The following GARNL3 variants were observed in gnomAD, a reference collection of about 807,000 sequenced individuals.
GARNL3 encodes GTPase activating Rap/RanGAP domain like 3.
In GARNL3, 63 loss-of-function variants were observed where a neutral mutation model predicts 125.0. That is an observed-to-expected ratio of 0.50 (90% CI 0.41 to 0.62). The LOEUF (loss-of-function observed/expected upper bound fraction) is 0.62, where lower values mean the gene tolerates loss of function less well. GARNL3 is among the 20% of genes least tolerant of loss of function. The pLI is 0.00. For missense variants in GARNL3, 994 were observed against 1,244.0 expected (o/e 0.80, Z 3.02); for synonymous variants, 439 against 457.5 (o/e 0.96, Z 0.52).
In GARNL3 at chr9:127,384,900, G is replaced by A; in HGVS notation, c.2270-127G>A. 1 of 564,258 alleles carries A rather than the reference G, an allele frequency of 1.8e-6. No homozygotes were observed. The highest frequency in any genetic ancestry group is 3.0e-5 in the East Asian group (1 of 33,190). The allele number at this position is 564,258 out of a possible 1,614,324, so 35.0% of individuals were successfully genotyped here. A position where few individuals can be genotyped will look rare whatever the true frequency, so the allele number is the denominator to read the frequency against. ...GGGTGACTTGCACATGTGAAGGAAGGAGAGAAGCAGCCAGAGGAATGAGAG... is the reference window on the plus strand; with the variant it reads ...GGGTGACTTGCACATGTGAAGGAAGAAGAGAAGCAGCCAGAGGAATGAGAG... On this transcript the variant is annotated intron_variant, in intron 23 of 27. Transcript: ENST00000373387. This position sits in a 1 kb window ranked among gnomAD's most constrained non-coding sequence, Gnocchi z 4.0.
chr9:127,306,649 C>T (rs557541270), intron 2 of GARNL3, among the ~76,000 whole-genome samples: 6 of 152,030 alleles, frequency 3.9e-5, no homozygotes, highest in African/African-American at 1.4e-4. Context: ...ATGGCGTGAA[C>T]CCGGGAGGTG....
chr9:127,371,819 A>G (rs536418355), intron 22 of GARNL3, among the ~76,000 whole-genome samples: 12 of 152,276 alleles, frequency 7.9e-5, no homozygotes, highest in Admixed American at 1.3e-4. Flanking sequence ...GAATCCAGAA[A>G]TAGATTTACA....
At chr9:127,368,605 A>C (rs1229054696) in intron 22 of GARNL3, among the ~76,000 whole-genome samples, 4 of 147,186 alleles carry the variant, frequency 2.7e-5, no homozygotes, top group East Asian at 2.3e-4. Flanking sequence ...TGCTGGGATT[A>C]CAGGCGTGAA....
intron 17 of GARNL3, 80 bp downstream of exon 17, chr9:127,349,115 C>A: frequency 1.1e-6 from 1 of 920,964 alleles, no homozygotes; most frequent in South Asian, 1.4e-5. Flanking sequence ...CCAACCAACT[C>A]CCTTTGGGCC....
intron 1 of GARNL3, among the ~76,000 whole-genome samples, chr9:127,241,245 T>A (rs1330556774): frequency 6.6e-6 from 1 of 152,134 alleles, no homozygotes; most frequent in African/African-American, 2.4e-5. Flanking sequence ...GCTTAATAAA[T>A]CTTTTGCATA....
intron 1 of GARNL3, among the ~76,000 whole-genome samples, chr9:127,274,697 A>G (rs2063908758): frequency 1.3e-5 from 2 of 152,206 alleles, no homozygotes; most frequent in Admixed American, 1.3e-4. Flanking sequence ...TCTTCAACTG[A>G]TGGGATATGG....
chr9:127,256,004 T>G (rs1564852738), intron 2 of GARNL3, among the ~76,000 whole-genome samples: 1 of 152,226 alleles, frequency 6.6e-6, no homozygotes. Flanking sequence ...AGATAGACTT[T>G]CAAGGGATTT....
At chr9:127,302,603 A>G (rs1384882809) in intron 2 of GARNL3, among the ~76,000 whole-genome samples, 1 of 152,228 alleles carries the variant, frequency 6.6e-6, no homozygotes, top group Non-Finnish European at 1.5e-5. Context: ...AAAAATGGGA[A>G]ATATGCTCGT....
chr9:127,373,264 C>T (rs1831705461), intron 22 of GARNL3, among the ~76,000 whole-genome samples: 1 of 152,214 alleles, frequency 6.6e-6, no homozygotes, highest in Admixed American at 6.5e-5. Flanking sequence ...ATTGCTATTG[C>T]TGTAGCGTAC....
Position 127,328,082 on chromosome 9 carries a change from A to G in GARNL3, c.594+2987A>G, listed in dbSNP as rs75562497. Among the ~76,000 whole-genome samples the G allele has an allele frequency of 5.4e-3, 828 of 152,256 alleles. 24 individuals carry two copies. The East Asian group carries it at 0.083, about 15-fold the overall frequency. ...GTGAACACTTACTTCCCCTGCCCCG[A>G]CTTCACCACTTTTTCAGGGGCTGGA... On this transcript the variant is annotated intron_variant, in intron 7 of 27. Coordinates refer to ENST00000373387, the MANE Select transcript of GARNL3 (RefSeq NM_032293.5).
At chr9:127,345,331 C>A in intron 15 of GARNL3, 72 bp from the exon 16 acceptor site, 1 of 903,678 alleles carries the variant, frequency 1.1e-6, no homozygotes, top group South Asian at 1.9e-5. Flanking sequence ...AAATTTTTGT[C>A]AAATCACAAT....
intron 25 of GARNL3, 87 bp from the exon 26 acceptor site, chr9:127,388,817 C>T (rs1041002592): frequency 1.2e-5 from 10 of 828,004 alleles, no homozygotes; most frequent in African/African-American, 1.7e-5. Context: ...TTCCTTCATG[C>T]TATGTTAAGG....
chr9:127,308,782 C>T (rs570228537), intron 2 of GARNL3, among the ~76,000 whole-genome samples: 1 of 152,156 alleles, frequency 6.6e-6, no homozygotes, highest in African/African-American at 2.4e-5. Context: ...AGAACATAGC[C>T]CTACTCTTGC....
chr9:127,261,496 T>C (rs1168467141), upstream of GARNL3, among the ~76,000 whole-genome samples: 1 of 148,058 alleles, frequency 6.8e-6, no homozygotes, highest in Non-Finnish European at 1.5e-5. Flanking sequence ...CCGCAACCTC[T>C]GCCTCCCAGG....
At chr9:127,332,876 A>C in intron 8 of GARNL3, 147 bp from the exon 9 acceptor site, 1 of 642,354 alleles carries the variant, frequency 1.6e-6, no homozygotes, top group South Asian at 1.9e-5. Flanking sequence ...CATGGTGCTC[A>C]AGAAGAAGGA....
chr9:127,264,533 G>A, upstream of GARNL3: 29 of 1,012,480 alleles, frequency 2.9e-5, no homozygotes, highest in Non-Finnish European at 3.4e-5. Flanking sequence ...TGCATATTTG[G>A]GACAAAGAGC....
At chr9:127,232,870 T>C (rs2063044417) in intron 1 of GARNL3, among the ~76,000 whole-genome samples, 1 of 152,186 alleles carries the variant, frequency 6.6e-6, no homozygotes, top group African/African-American at 2.4e-5. Context: ...ACTCCAGACT[T>C]AATTTCAATG....
rs2063666838 is a variant in GARNL3, at chr9:127,264,810, C to G, written c.-68C>G. On this transcript the variant is annotated 5_prime_UTR_variant, in exon 1 of 28. Transcript: ENST00000373387. The stretch of plus-strand genomic sequence containing the variant: ...TGGCTGCTGGGGACTGTGTCTGTTG[C>G]AAGGAGGCTCCCCTGCAGTGAGGAG... The G allele has an allele frequency of 7.2e-7, 1 of 1,380,842 alleles. No individual in the cohort carries two copies. The allele number at this position is 1,380,842 out of a possible 1,614,324, so 85.5% of individuals were successfully genotyped here.
intron 1 of GARNL3, among the ~76,000 whole-genome samples, chr9:127,272,684 G>A (rs138514394): frequency 0.01 from 1,596 of 152,110 alleles, 28 homozygotes; most frequent in African/African-American, 0.036. Context: ...TCACCATGTT[G>A]GCCAGGATGG....
Sources: allele counts gnomAD v4.1 joint callset (sites outside exome capture counted in the v4.1 genomes callset), GRCh38; gene constraint gnomAD v4.1.1; non-coding constraint Gnocchi (gnomAD v3.1); transcripts MANE v1.5; gene names NCBI Gene and HGNC (gene_info 2026-07-23, HGNC 2026-07-21).